CCDC178: variants seen among roughly 807,000 people sequenced by gnomAD.
CCDC178 encodes the protein coiled-coil domain-containing protein 178.
A neutral mutation model predicts 117.4 loss-of-function variants in CCDC178; 126 were observed. The ratio of observed to expected loss-of-function variants is 1.07; its 90% CI spans 0.93 to 1.24. The LOEUF (loss-of-function observed/expected upper bound fraction) is 1.24, where lower values mean the gene tolerates loss of function less well. Ranked by LOEUF, CCDC178 falls within the 50% of genes most tolerant of loss-of-function variation. The pLI is 0.00. For synonymous variants in CCDC178, 283 were observed against 313.4 expected, an observed-to-expected ratio of 0.90 and a Z score of 1.02; for missense variants, 1,030 against 986.9, an observed-to-expected ratio of 1.04 and a Z score of -0.59.
intron 20 of CCDC178, among the ~76,000 whole-genome samples, chr18:33,162,669 T>C (rs940116276): frequency 6.6e-6 from 1 of 152,190 alleles, no homozygotes; most frequent in East Asian, 1.9e-4. Flanking sequence ...CATTTATAAG[T>C]GAGAACACGA....
At chr18:33,074,402 C>T (rs1422837795) in intron 21 of CCDC178, among the ~76,000 whole-genome samples, 3 of 152,064 alleles carry the variant, frequency 2.0e-5, no homozygotes, top group African/African-American at 4.8e-5. Context: ...ATTAATTGCA[C>T]CTGTTTATAT....
intron 2 of CCDC178, among the ~76,000 whole-genome samples, chr18:33,432,744 A>G (rs566598055): frequency 4.6e-5 from 7 of 152,324 alleles, no homozygotes; most frequent in African/African-American, 1.7e-4. Context: ...AACGTCAGAA[A>G]TATTTTTTTT....
intron 14 of CCDC178, among the ~76,000 whole-genome samples, chr18:33,261,421 C>T (rs1310139504): frequency 6.6e-6 from 1 of 150,550 alleles, no homozygotes; most frequent in East Asian, 2.0e-4. Context: ...CAAGGTATGC[C>T]CCCCTCTATT....
At chr18:33,439,526 T>C (rs1047163048) in intron 2 of CCDC178, among the ~76,000 whole-genome samples, 12 of 152,216 alleles carry the variant, frequency 7.9e-5, no homozygotes, top group Non-Finnish European at 1.5e-4. Flanking sequence ...AAGATAGAAA[T>C]ACACTAGTTT....
chr18:33,382,718 G>T (rs1231537534), intron 5 of CCDC178, among the ~76,000 whole-genome samples: 1 of 152,140 alleles, frequency 6.6e-6, no homozygotes, highest in African/African-American at 2.4e-5. Context: ...CACCACCAGG[G>T]CCCTGGGTCT....
chr18:33,120,160 T>C (rs763449694), intron 20 of CCDC178, among the ~76,000 whole-genome samples: 2 of 151,646 alleles, frequency 1.3e-5, no homozygotes, highest in Non-Finnish European at 2.9e-5. Flanking sequence ...GTTATGCACA[T>C]GTACCCTACA....
intron 20 of CCDC178, among the ~76,000 whole-genome samples, chr18:33,169,575 A>C (rs2058573403): frequency 6.6e-6 from 1 of 152,200 alleles, no homozygotes; most frequent in Non-Finnish European, 1.5e-5. Flanking sequence ...GTTACACTAA[A>C]ATATAATACA....
chr18:33,262,087 A>G (rs1470760812), intron 14 of CCDC178, among the ~76,000 whole-genome samples: 1 of 152,168 alleles, frequency 6.6e-6, no homozygotes, highest in African/African-American at 2.4e-5. Context: ...ATTCTGCCCT[A>G]TCAGATATTG....
chr18:33,112,343 T>C (rs1049854611), intron 20 of CCDC178, among the ~76,000 whole-genome samples: 2 of 151,812 alleles, frequency 1.3e-5, no homozygotes, highest in African/African-American at 4.8e-5. Context: ...AAGTAACATA[T>C]TAAATTTCTT....
chr18:33,026,142 G>A (rs1003472167), intron 21 of CCDC178, among the ~76,000 whole-genome samples: 2 of 152,080 alleles, frequency 1.3e-5, no homozygotes, highest in Non-Finnish European at 2.9e-5. Flanking sequence ...CCATTTATAT[G>A]ACATTCTTGA....
rs2062609334 is a variant in CCDC178 at position 33,328,082 on chromosome 18, G to GTTTTTTTTTTTTTTTTTT, written c.880-4450_880-4449insAAAAAAAAAAAAAAAAAA. On this transcript the variant is annotated intron_variant, in intron 10 of 22. Transcript: ENST00000383096. ...CCAAGGTCATAAAGATTTATCCCTAGATTTTTTTTTTTTTTTTTTTTTTTT... is the reference window on the plus strand; with the variant it reads ...CCAAGGTCATAAAGATTTATCCCTAGTTTTTTTTTTTTTTTTTTATTTTTTTTTTTTTTTTTTTTTTTT... The GTTTTTTTTTTTTTTTTTT allele has an allele frequency of 1.2e-4, 30 of 242,056 alleles. 4 individuals carry two copies. Among genetic ancestry groups the GTTTTTTTTTTTTTTTTTT allele is most frequent in the African/African-American group, 9.5e-4 (29 of 30,388 alleles). The allele number at this position is 242,056 out of a possible 1,614,324, so 15.0% of individuals were successfully genotyped here.
At chr18:33,258,096 G>GA (rs2059701196) in intron 14 of CCDC178, among the ~76,000 whole-genome samples, 1 of 151,540 alleles carries the variant, frequency 6.6e-6, no homozygotes, top group Non-Finnish European at 1.5e-5. Context: ...ATATTTTTTT[G>GA]AATTACCAAA....
chr18:33,311,274 C>T (rs1448976246), intron 11 of CCDC178, among the ~76,000 whole-genome samples: 1 of 152,168 alleles, frequency 6.6e-6, no homozygotes, highest in Non-Finnish European at 1.5e-5. Context: ...TATTTTATGT[C>T]TCAGAGCACA....
rs71363411 is a variant in CCDC178 at position 33,346,319 on chromosome 18, C to T, written c.550G>A (p.Ala184Thr). ...IKSLETDRADAEEALKQQRSR... is the reference protein window; with the variant it reads ...IKSLETDRADTEEALKQQRSR... ...CTCTGTTGTTTTAAAGCTTCTTCAG[C>T]GTCTGCCCGGTCAGTTTCTAGACTT... Residue 184 changes from alanine (A) to threonine (T), a missense_variant, in exon 9 of 23, where the codon GCT becomes ACT. Transcript: ENST00000383096. The T allele has an allele frequency of 7.1e-5, 114 of 1,613,136 alleles. No homozygotes were observed. The highest frequency in any genetic ancestry group is 3.3e-4 in the Middle Eastern group (2 of 6,084).
At chr18:32,964,491 G>T (rs911315011) in intron 22 of CCDC178, among the ~76,000 whole-genome samples, 4 of 151,898 alleles carry the variant, frequency 2.6e-5, no homozygotes, top group African/African-American at 9.7e-5. Flanking sequence ...ATGTTTCCAC[G>T]ATTAATTAAT....
At chr18:33,155,515 A>C (rs2058383751) in intron 20 of CCDC178, among the ~76,000 whole-genome samples, 2 of 152,210 alleles carry the variant, frequency 1.3e-5, no homozygotes, top group Non-Finnish European at 2.9e-5. Context: ...CAATCAAATT[A>C]AAAACAGAGA....
rs16964290 is a variant in CCDC178, at chr18:33,129,622, A to G, written c.2239-36712T>C. ...AAACTTGGATATGGTCCCATTAGAA[A>G]AATTCCATATAATAATGTTCCAGCA... On this transcript the variant is annotated intron_variant, in intron 20 of 22. Transcript: ENST00000383096. Among the ~76,000 whole-genome samples the G allele has an allele frequency of 7.9e-3, 1,195 of 152,218 alleles. 13 individuals carry two copies. Among genetic ancestry groups the G allele is most frequent in the African/African-American group, 0.027 (1,113 of 41,574 alleles).
At chr18:33,049,189 A>C (rs1302762575) in intron 21 of CCDC178, among the ~76,000 whole-genome samples, 1 of 152,140 alleles carries the variant, frequency 6.6e-6, no homozygotes, top group Non-Finnish European at 1.5e-5. Context: ...AAGATTTTTC[A>C]AAAAACCCCA....
chr18:33,424,697 A>T (rs1187197599), intron 2 of CCDC178, among the ~76,000 whole-genome samples: 2 of 152,210 alleles, frequency 1.3e-5, no homozygotes, highest in African/African-American at 4.8e-5. Context: ...CTGACCTTAA[A>T]GGCAAGGGAG....
Sources: allele counts gnomAD v4.1 joint callset (sites outside exome capture counted in the v4.1 genomes callset), GRCh38; gene constraint gnomAD v4.1.1; transcripts MANE v1.5; gene names NCBI Gene and HGNC (gene_info 2026-07-23, HGNC 2026-07-21).